The following MACROD2 variants were observed in gnomAD, a reference collection of about 807,000 sequenced individuals.
MACROD2 encodes the protein mono-ADP ribosylhydrolase 2.
In MACROD2, 36 loss-of-function variants were observed where a neutral mutation model predicts 70.4. The ratio of observed to expected loss-of-function variants is 0.51; its 90% CI spans 0.39 to 0.68. The LOEUF (loss-of-function observed/expected upper bound fraction) is 0.68. Among genes scored for constraint, MACROD2 ranks in the 30% least tolerant of loss-of-function variants. The pLI is 0.00. For synonymous variants in MACROD2, 172 were observed against 178.8 expected (o/e 0.96, Z 0.30); for missense variants, 496 against 538.4 (o/e 0.92, Z 0.78).
intron 6 of MACROD2, among the ~76,000 whole-genome samples, chr20:15,287,768 ACT>A (rs1296529195): frequency 1.3e-5 from 2 of 152,248 alleles, no homozygotes; most frequent in Admixed American, 6.5e-5. Context: ...TAGAGTATGC[ACT>A]GTTATTAATT....
At chr20:15,421,598 A>G (rs1256425377) in intron 6 of MACROD2, among the ~76,000 whole-genome samples, 1 of 152,092 alleles carries the variant, frequency 6.6e-6, no homozygotes, top group African/African-American at 2.4e-5. Flanking sequence ...GGCAAGTTCC[A>G]GAACATAAAA....
At chr20:14,579,367 T>A (rs1980854089) in intron 4 of MACROD2, among the ~76,000 whole-genome samples, 1 of 151,446 alleles carries the variant, frequency 6.6e-6, no homozygotes, top group Admixed American at 6.6e-5. Context: ...GGTCTCGATC[T>A]CCTGACCTCA....
At chr20:15,145,706 G>A (rs867114058) in intron 5 of MACROD2, among the ~76,000 whole-genome samples, 5 of 152,166 alleles carry the variant, frequency 3.3e-5, no homozygotes, top group Middle Eastern at 3.4e-3. Flanking sequence ...GACTGAAAAT[G>A]TGCAAATAAC....
At chr20:15,842,730 A>ATAGATAGG (rs1283517335) in intron 8 of MACROD2, among the ~76,000 whole-genome samples, 3 of 36,002 alleles carry the variant, frequency 8.3e-5, no homozygotes, top group African/African-American at 5.8e-4. Context: ...AGATAGATAG[A>ATAGATAGG]TAGATAGATA....
intron 5 of MACROD2, among the ~76,000 whole-genome samples, chr20:14,747,612 C>G (rs2071815895): frequency 6.6e-6 from 1 of 152,064 alleles, no homozygotes; most frequent in South Asian, 2.1e-4. Context: ...TAAGAAATAG[C>G]TCATTTTTTC....
intron 5 of MACROD2, among the ~76,000 whole-genome samples, chr20:15,178,319 C>G (rs990276178): frequency 6.6e-6 from 1 of 152,190 alleles, no homozygotes; most frequent in Non-Finnish European, 1.5e-5. Context: ...TCTAAAGTAA[C>G]CTTAGTAGTG....
chr20:14,060,187 A>C (rs372739329), intron 2 of MACROD2, among the ~76,000 whole-genome samples: 2 of 152,136 alleles, frequency 1.3e-5, no homozygotes, highest in Non-Finnish European at 2.9e-5. Flanking sequence ...GTAGCTGGCT[A>C]TTTTCCTTCC....
intron 12 of MACROD2, among the ~76,000 whole-genome samples, chr20:15,966,274 G>A (rs1368303774): frequency 6.6e-6 from 1 of 152,206 alleles, no homozygotes; most frequent in Non-Finnish European, 1.5e-5. Flanking sequence ...TAATCAAGGT[G>A]TTGCTGTACC....
intron 2 of MACROD2, among the ~76,000 whole-genome samples, chr20:14,021,776 G>T (rs2148624937): frequency 6.6e-6 from 1 of 152,324 alleles, no homozygotes; most frequent in African/African-American, 2.4e-5. Context: ...TCCAGAGTGG[G>T]TATACATGAT....
chr20:14,571,959 A>T (rs925132028), intron 4 of MACROD2, among the ~76,000 whole-genome samples: 2 of 152,086 alleles, frequency 1.3e-5, no homozygotes, highest in African/African-American at 2.4e-5. Flanking sequence ...GAAAAAGAAG[A>T]AAAAGGCTAT....
chr20:14,746,244 A>G (rs2071798025), intron 5 of MACROD2, among the ~76,000 whole-genome samples: 1 of 152,160 alleles, frequency 6.6e-6, no homozygotes, highest in Non-Finnish European at 1.5e-5. Flanking sequence ...CTCTTGACAG[A>G]GGAACTCCTG....
chr20:14,366,606 A>G (rs2083275813), intron 3 of MACROD2, among the ~76,000 whole-genome samples: 1 of 151,772 alleles, frequency 6.6e-6, no homozygotes, highest in Non-Finnish European at 1.5e-5. Flanking sequence ...ACATCATGAT[A>G]TGTCCTCCTT....
At chr20:14,419,143 C>T (rs1341785204) in intron 3 of MACROD2, among the ~76,000 whole-genome samples, 3 of 152,110 alleles carry the variant, frequency 2.0e-5, no homozygotes, top group Admixed American at 6.5e-5. Flanking sequence ...CAACCTTCGC[C>T]TCCTGGGTTC....
chr20:15,322,563 A>G (rs750876093), intron 6 of MACROD2, among the ~76,000 whole-genome samples: 1 of 142,604 alleles, frequency 7.0e-6, no homozygotes, highest in Non-Finnish European at 1.6e-5. Flanking sequence ...CAAAATTCGT[A>G]CTCTCCCCCG....
intron 8 of MACROD2, among the ~76,000 whole-genome samples, chr20:15,670,631 A>G (rs1210679073): frequency 6.6e-6 from 1 of 152,230 alleles, no homozygotes; most frequent in African/African-American, 2.4e-5. Context: ...GACAAATGTT[A>G]AAGATGACAG....
At chr20:14,937,195 G>A (rs2074347570) in intron 5 of MACROD2, among the ~76,000 whole-genome samples, 1 of 152,048 alleles carries the variant, frequency 6.6e-6, no homozygotes, top group Non-Finnish European at 1.5e-5. Flanking sequence ...TGGAGGTAGG[G>A]GTGGAGGTAG....
intron 3 of MACROD2, among the ~76,000 whole-genome samples, chr20:14,311,761 AC>A (rs200911389): frequency 1.3e-5 from 2 of 150,626 alleles, no homozygotes; most frequent in Non-Finnish European, 3.0e-5. Context: ...CAAATGATCC[AC>A]CCCCCATGGC....
intron 5 of MACROD2, among the ~76,000 whole-genome samples, chr20:14,716,504 G>A (rs975244663): frequency 3.3e-5 from 5 of 152,092 alleles, no homozygotes; most frequent in Non-Finnish European, 1.5e-5. Flanking sequence ...GGTTCCGAGG[G>A]GCAGGCTTTT....
rs189711424 is a variant in MACROD2, at chr20:16,052,350, T to C, written c.*2474T>C. On this transcript the variant is annotated 3_prime_UTR_variant, in exon 18 of 18. Coordinates refer to ENST00000684519, the MANE Select transcript of MACROD2 (RefSeq NM_001351661.2). ...CCATTGCACAGGCTGTACAATGAAA[T>C]AGATTTGAAAAGCTGATTGATTTTC... The C allele has an allele frequency of 6.6e-6, 1 of 152,302 alleles. No individual in the cohort carries two copies. The highest frequency in any genetic ancestry group is 2.4e-5 in the African/African-American group (1 of 41,558). The allele number at this position is 152,302 out of a possible 1,614,324, so 9.4% of individuals were successfully genotyped here. A position where few individuals can be genotyped will look rare whatever the true frequency, so the allele number is the denominator to read the frequency against.
Sources: allele counts gnomAD v4.1 joint callset (sites outside exome capture counted in the v4.1 genomes callset), GRCh38; gene constraint gnomAD v4.1.1; transcripts MANE v1.5; gene names NCBI Gene and HGNC (gene_info 2026-07-23, HGNC 2026-07-21).